Variants in SEZ6 observed in about 807,000 individuals in gnomAD.
SEZ6 encodes seizure related 6 homolog.
Under a neutral mutation model 101.0 loss-of-function variants are expected in SEZ6, and 53 were observed. The observed-to-expected ratio is 0.52, with a 90% CI of 0.42 to 0.66. The LOEUF (loss-of-function observed/expected upper bound fraction) is 0.66. Ranked by LOEUF, SEZ6 falls within the 30% of genes least tolerant of loss-of-function variation. SEZ6 has a pLI of 0.00. For missense variants in SEZ6, 1,102 were observed against 1,289.4 expected (o/e 0.85, Z 2.23); for synonymous variants, 488 against 512.2 (o/e 0.95, Z 0.64).
chr17:28,963,838 G>T, intron 5 of SEZ6, 124 bp downstream of exon 5: 1 of 1,136,986 alleles, frequency 8.8e-7, no homozygotes, highest in Non-Finnish European at 1.3e-6. Flanking sequence ...CCACTGAGGT[G>T]CATGGCCATT....
intron 6 of SEZ6, 23 bp from the exon 7 acceptor site, chr17:28,960,694 A>G (rs2040964138): frequency 6.2e-7 from 1 of 1,611,542 alleles, no homozygotes; most frequent in Non-Finnish European, 8.5e-7. Flanking sequence ...AGTGGCAGCT[A>G]TGTAGGCTGG....
chr17:28,969,855 C>T lies in SEZ6; in HGVS notation c.956G>A (p.Arg319Gln), dbSNP rs776358336. The change falls in exon 4 of 17, where the codon CGG becomes CAG. Residue 319 changes from arginine (R) to glutamine (Q), a missense_variant. Physicochemically the swap from Arg to Gln is conservative, Grantham distance 43. Transcript: ENST00000317338. ...GGTGGGGCTGCGGATGACTTGGCCC[C>T]GCAGCAGGAAAGACTGGTTGGCCAG... The part of the protein sequence containing the change: ...LPLANQSFLL[R>Q]GQVIRSPTHQ... 1.1e-5 allele frequency: 17 copies of T among 1,534,290 alleles called. No individual in the cohort carries two copies. Among genetic ancestry groups the T allele is most frequent in the Admixed American group, 4.9e-5 (2 of 41,188 alleles).
At chr17:28,979,894 T>A (rs2041274410) in intron 2 of SEZ6, 81 bp from the exon 3 acceptor site, 1 of 1,195,806 alleles carries the variant, frequency 8.4e-7, no homozygotes, top group African/African-American at 1.6e-5. Context: ...TGTGTGTGTG[T>A]GTGTGTGTGT....
At chr17:28,988,392 C>T (rs920206041) in intron 1 of SEZ6, among the ~76,000 whole-genome samples, 1 of 152,216 alleles carries the variant, frequency 6.6e-6, no homozygotes, top group South Asian at 2.1e-4. Context: ...GAAGGCTGGG[C>T]TCAGGGCACA....
intron 4 of SEZ6, among the ~76,000 whole-genome samples, chr17:28,969,187 C>T (rs2041113523): frequency 6.6e-6 from 1 of 152,182 alleles, no homozygotes; most frequent in African/African-American, 2.4e-5. Flanking sequence ...TTACATCGTG[C>T]TGCTCCCTTA....
chr17:28,991,450 C>A (rs1045860802), intron 1 of SEZ6, among the ~76,000 whole-genome samples: 3 of 152,218 alleles, frequency 2.0e-5, no homozygotes, highest in African/African-American at 7.2e-5. Flanking sequence ...AGGTGATCGG[C>A]CTGCCTCGGC....
chr17:28,977,061 C>T (rs923060969), intron 3 of SEZ6, among the ~76,000 whole-genome samples: 1 of 152,212 alleles, frequency 6.6e-6, no homozygotes, highest in Admixed American at 6.5e-5. Context: ...TCAATGTTTG[C>T]TTGTGGAACA....
intron 14 of SEZ6, 118 bp downstream of exon 14, chr17:28,956,601 T>G: frequency 6.7e-7 from 1 of 1,502,324 alleles, no homozygotes; most frequent in Non-Finnish European, 9.0e-7. Flanking sequence ...CTTTTTAACC[T>G]GCTAGGCCCA....
At chr17:28,975,916 G>C (rs1464391123) in intron 3 of SEZ6, among the ~76,000 whole-genome samples, 1 of 152,252 alleles carries the variant, frequency 6.6e-6, no homozygotes, top group Non-Finnish European at 1.5e-5. Flanking sequence ...GCCAAGTGCA[G>C]AGAGAGGCAG....
At position 28,981,506 on chromosome 17, in the gene SEZ6, C is replaced by T; in HGVS notation, c.589G>A (p.Ala197Thr). ...CCTGCGCCCTGGGACACAACCTCTG[C>T]AACCCACGGCCTTCCCATGTCTCCA... ...GPGDMGRPWVAEVVSQGAGIG... is the reference protein window; with the variant it reads ...GPGDMGRPWVTEVVSQGAGIG... Residue 197 changes from alanine (A) to threonine (T), a missense_variant, in exon 2 of 17, where the codon GCA becomes ACA. By Grantham distance (58) the Ala-to-Thr change is moderately conservative (BLOSUM62 0). Around this residue, in one of 3 missense-constraint regions of SEZ6, gnomAD observed 406 missense variants for 418.6 expected, o/e 0.97. Transcript: ENST00000317338. The T allele has an allele frequency of 1.2e-6, 2 of 1,608,700 alleles. No individual in the cohort carries two copies. The highest frequency in any genetic ancestry group is 2.2e-5 in the East Asian group (1 of 44,662).
chr17:29,004,258 G>C (rs1035457429), intron 1 of SEZ6, among the ~76,000 whole-genome samples: 1 of 152,302 alleles, frequency 6.6e-6, no homozygotes, highest in South Asian at 2.1e-4. Flanking sequence ...CAGGCCCTGC[G>C]CCCCAGGGGA....
chr17:28,979,647 C>T, intron 3 of SEZ6, 33 bp downstream of exon 3: 1 of 1,613,692 alleles, frequency 6.2e-7, no homozygotes, highest in Non-Finnish European at 8.5e-7. Flanking sequence ...ACACCCGCCC[C>T]AGCTTTGCCC....
chr17:28,964,823 G>A (rs982327755), intron 4 of SEZ6, among the ~76,000 whole-genome samples: 2 of 152,194 alleles, frequency 1.3e-5, no homozygotes, highest in East Asian at 3.9e-4. Flanking sequence ...TTGGGAGGCC[G>A]AGGTGGGCGG....
intron 1 of SEZ6, among the ~76,000 whole-genome samples, chr17:28,993,286 A>G (rs1444736331): frequency 6.6e-6 from 1 of 152,042 alleles, no homozygotes; most frequent in East Asian, 1.9e-4. Context: ...CCTTCTGTCC[A>G]TCTGCTAGCC....
rs997167188 is a variant in SEZ6, at chr17:28,977,417, C to T, written c.858+2263G>A. 3.9e-5 allele frequency among the ~76,000 whole-genome samples: 6 copies of T among 152,256 alleles called. No homozygotes were observed. In the East Asian group the frequency reaches 5.8e-4, roughly 15 times the overall value. On this transcript the variant is annotated intron_variant, in intron 3 of 16. Coordinates refer to ENST00000317338, the MANE Select transcript of SEZ6 (RefSeq NM_178860.5). ...CCCAAGGACCCTGCCCCCATGGCAC[C>T]GAGGTGGAGGGTGGGGCCAGCATCT...
In SEZ6 at chr17:28,956,413, G is replaced by T; in HGVS notation, c.2786C>A (p.Ala929Asp). The change falls in exon 15 of 17, where the codon GCC (alanine) becomes GAC (aspartate). Residue 929 changes from alanine to aspartate, a missense_variant. This residue lies in a region of SEZ6 where 140 missense variants were observed against 135.7 expected (regional missense o/e 1.03). Coordinates refer to ENST00000317338, the MANE Select transcript of SEZ6 (RefSeq NM_178860.5). ...CATCGCCACCAGTGGCAAGAAGATG[G>T]CAGCTGCAATGTGGGCAGCATCCAG... The part of the protein sequence containing the change: ...STLDAAHIAA[A>D]IFLPLVAMVL... The T allele has an allele frequency of 1.3e-6, 2 of 1,568,882 alleles. No individual in the cohort carries two copies. Among genetic ancestry groups the T allele is most frequent in the East Asian group, 2.4e-5 (1 of 42,350 alleles).
intron 1 of SEZ6, among the ~76,000 whole-genome samples, chr17:28,999,706 G>T (rs1441342534): frequency 6.6e-6 from 1 of 152,182 alleles, no homozygotes; most frequent in East Asian, 1.9e-4. Flanking sequence ...CCCACCTGGG[G>T]GCTGGGCCTC....
chr17:28,962,655 CCT>C (rs965811831), intron 5 of SEZ6, among the ~76,000 whole-genome samples: 1 of 151,618 alleles, frequency 6.6e-6, no homozygotes, highest in Non-Finnish European at 1.5e-5. Flanking sequence ...GTGGCATGCA[CCT>C]GTAACCCCAG....
chr17:28,992,706 C>T (rs539587167), intron 1 of SEZ6, among the ~76,000 whole-genome samples: 7 of 152,276 alleles, frequency 4.6e-5, no homozygotes, highest in African/African-American at 1.4e-4. Context: ...GTTGGGGCTG[C>T]GGCTGGGCCA....
Sources: allele counts gnomAD v4.1 joint callset (sites outside exome capture counted in the v4.1 genomes callset), GRCh38; gene constraint gnomAD v4.1.1; regional missense constraint gnomAD v4.1.1; transcripts MANE v1.5; gene names NCBI Gene and HGNC (gene_info 2026-07-23, HGNC 2026-07-21).